The following USO1 variants were observed in gnomAD, a reference collection of about 807,000 sequenced individuals.
The protein encoded by USO1 is USO1 vesicle transport factor, also known as general vesicular transport factor p115.
In USO1, 57 loss-of-function variants were observed where a neutral mutation model predicts 124.5. The ratio of observed to expected loss-of-function variants is 0.46; its 90% CI spans 0.37 to 0.57. The LOEUF (loss-of-function observed/expected upper bound fraction) is 0.57, where lower values mean the gene tolerates loss of function less well. Ranked by LOEUF, USO1 falls within the 20% of genes least tolerant of loss-of-function variation. The pLI, the probability that USO1 is intolerant of heterozygous loss-of-function variation, is 0.00. For missense variants in USO1, 900 were observed against 1,040.6 expected, an observed-to-expected ratio of 0.86 and a Z score of 1.86; for synonymous variants, 369 against 362.8, an observed-to-expected ratio of 1.02 and a Z score of -0.19.
At chr4:75,792,306 G>A (rs1429267484) in intron 12 of USO1, among the ~76,000 whole-genome samples, 2 of 152,166 alleles carry the variant, frequency 1.3e-5, no homozygotes, top group South Asian at 2.1e-4. Context: ...GGAGGCCAAG[G>A]CGGGTGGATC....
intron 1 of USO1, among the ~76,000 whole-genome samples, chr4:75,734,880 C>G (rs1452554036): frequency 6.6e-6 from 1 of 151,770 alleles, no homozygotes; most frequent in East Asian, 1.9e-4. Flanking sequence ...AGGCACCCAC[C>G]ACCACACCCA....
chr4:75,727,776 C>CT (rs1720506110), intron 1 of USO1, among the ~76,000 whole-genome samples: 1 of 152,028 alleles, frequency 6.6e-6, no homozygotes, highest in South Asian at 2.1e-4. Context: ...TTTCTAACAT[C>CT]TTTTTTCCAA....
chr4:75,793,846 G>C lies in USO1; in HGVS notation c.1397G>C (p.Ser466Thr), dbSNP rs761425378. Residue 466 changes from serine to threonine, a missense_variant, in exon 13 of 24, where the codon AGT becomes ACT. Transcript: ENST00000514213. ...EQLLRVQLATSIGNPPVSLLQ... is the reference protein window; with the variant it reads ...EQLLRVQLATTIGNPPVSLLQ... ...TTGCTCAGGGTTCAACTTGCTACAA[G>C]TATTGGCAACCCTCCAGTTTCTTTA... is the stretch of plus-strand genomic sequence containing the variant. 8.1e-6 allele frequency: 13 copies of C among 1,613,972 alleles called. No individual in the cohort carries two copies. The highest frequency in any genetic ancestry group is 1.3e-5 in the African/African-American group (1 of 75,058).
At chr4:75,792,410 G>A (rs1001696953) in intron 12 of USO1, among the ~76,000 whole-genome samples, 3 of 152,176 alleles carry the variant, frequency 2.0e-5, no homozygotes, top group Non-Finnish European at 4.4e-5. Flanking sequence ...GGTGATGCAT[G>A]CCTGTAATCC....
chr4:75,799,756 T>G, intron 14 of USO1, 24 bp downstream of exon 14: 1 of 1,610,240 alleles, frequency 6.2e-7, no homozygotes, highest in African/African-American at 1.3e-5. Context: ...TTTAGTAACG[T>G]ACATGTAAGT....
chr4:75,799,281 T>C (rs1722774537), intron 13 of USO1, among the ~76,000 whole-genome samples: 1 of 152,128 alleles, frequency 6.6e-6, no homozygotes, highest in Non-Finnish European at 1.5e-5. Flanking sequence ...GGCAAATTTA[T>C]TGTAAAGGGT....
chr4:75,762,951 A>G (rs1560444786), intron 4 of USO1, among the ~76,000 whole-genome samples: 2 of 152,214 alleles, frequency 1.3e-5, no homozygotes, highest in African/African-American at 4.8e-5. Context: ...CAAAAAAAGT[A>G]TACATGTACC....
intron 13 of USO1, chr4:75,795,256 A>G (rs1722644823): frequency 1.4e-6 from 1 of 694,788 alleles, no homozygotes; most frequent in Non-Finnish European, 2.6e-6. Flanking sequence ...ACTATGAAAA[A>G]GTATTTGAGG....
rs1027835246 is a variant in USO1 at position 75,724,679 on chromosome 4, T to C, written c.-141T>C. ...TGTTTCCGGGCTTAGAGGGCTGGAGTGGCCGCCGAGTTGGAGGCGGTGGTG... is the reference window on the plus strand; with the variant it reads ...TGTTTCCGGGCTTAGAGGGCTGGAGCGGCCGCCGAGTTGGAGGCGGTGGTG... On this transcript the variant is annotated 5_prime_UTR_variant, in exon 1 of 24. Transcript: ENST00000514213. 1.3e-6 allele frequency: 1 copy of C among 779,998 alleles called. No individual in the cohort carries two copies. The highest frequency in any genetic ancestry group is 2.0e-6 in the Non-Finnish European group (1 of 490,984). 48.3% of individuals were successfully genotyped at this position (779,998 alleles called of 1,614,324 possible).
At chr4:75,741,582 A>C (rs1386240303) in intron 1 of USO1, among the ~76,000 whole-genome samples, 1 of 147,864 alleles carries the variant, frequency 6.8e-6, no homozygotes, top group Non-Finnish European at 1.5e-5. Flanking sequence ...TTCCTATTTT[A>C]AAATTTTTAC....
At chr4:75,742,766 A>G (rs1721000050) in intron 1 of USO1, among the ~76,000 whole-genome samples, 1 of 152,198 alleles carries the variant, frequency 6.6e-6, no homozygotes, top group Non-Finnish European at 1.5e-5. Flanking sequence ...GATTACATTA[A>G]AATCTGATAT....
At position 75,800,710 on chromosome 4, in the gene USO1, G is replaced by C. The variant is rs1370202404; in HGVS notation, c.1775G>C (p.Arg592Thr). 1 of 1,610,990 alleles carries C rather than the reference G, an allele frequency of 6.2e-7. No homozygotes were observed. The highest frequency in any genetic ancestry group is 8.5e-7 in the Non-Finnish European group (1 of 1,179,142). Residue 592 changes from arginine to threonine, a missense_variant, in exon 16 of 24, where the codon AGA (arginine) becomes ACA (threonine). Arg to Thr is a moderately conservative substitution (Grantham distance 71). This residue lies in a region of USO1 where 538 missense variants were observed against 681.6 expected (regional missense o/e 0.79). Coordinates refer to ENST00000514213, the MANE Select transcript of USO1 (RefSeq NM_003715.4). ...GFISKHELYS[R>T]ASQKPQPNFP... Reference sequence around the variant, plus strand: ...ATTAGCAAACATGAGTTGTATTCCAGAGCATCTCAGAAACCCCAGCCAAAC... The same window carrying C: ...ATTAGCAAACATGAGTTGTATTCCACAGCATCTCAGAAACCCCAGCCAAAC...
chr4:75,751,724 A>AG (rs1317730784), intron 1 of USO1, among the ~76,000 whole-genome samples: 3 of 151,148 alleles, frequency 2.0e-5, no homozygotes, highest in Non-Finnish European at 4.4e-5. Flanking sequence ...CCATCTTTTC[A>AG]GGGGGGCCGA....
At chr4:75,743,486 G>A (rs1030377139) in intron 1 of USO1, among the ~76,000 whole-genome samples, 6 of 151,926 alleles carry the variant, frequency 3.9e-5, no homozygotes, top group Non-Finnish European at 7.4e-5. Context: ...ACTCAGTCAC[G>A]GTCTCACTTC....
At chr4:75,801,829 T>G (rs1399522159) in intron 17 of USO1, among the ~76,000 whole-genome samples, 2 of 152,236 alleles carry the variant, frequency 1.3e-5, no homozygotes, top group Non-Finnish European at 2.9e-5. Flanking sequence ...ATTAGTTTGT[T>G]TTTTGTTTAG....
intron 4 of USO1, among the ~76,000 whole-genome samples, chr4:75,762,081 C>A (rs999403909): frequency 6.7e-6 from 1 of 150,174 alleles, no homozygotes; most frequent in South Asian, 2.1e-4. Flanking sequence ...TGGTATTTTT[C>A]TACTTTCTAA....
chr4:75,796,982 A>G (rs1286061425), intron 13 of USO1, among the ~76,000 whole-genome samples: 1 of 145,564 alleles, frequency 6.9e-6, no homozygotes, highest in Non-Finnish European at 1.5e-5. Context: ...ATTTTAAGTC[A>G]TACTTAGAAA....
At chr4:75,775,966 CTGAG>C in intron 8 of USO1, among the ~76,000 whole-genome samples, 1 of 152,284 alleles carries the variant, frequency 6.6e-6, no homozygotes, top group East Asian at 1.9e-4. Flanking sequence ...GGCAAAAAAA[CTGAG>C]TGGTCTAGGT....
intron 4 of USO1, chr4:75,770,041 A>T (rs1222828594): frequency 6.5e-6 from 1 of 153,874 alleles, no homozygotes; most frequent in East Asian, 1.9e-4. Context: ...CTTATATACA[A>T]TAAAATTTAC....
Sources: allele counts gnomAD v4.1 joint callset (sites outside exome capture counted in the v4.1 genomes callset), GRCh38; gene constraint gnomAD v4.1.1; regional missense constraint gnomAD v4.1.1; transcripts MANE v1.5; gene names NCBI Gene and HGNC (gene_info 2026-07-23, HGNC 2026-07-21).